Variants in POU2AF1 observed in about 807,000 individuals in gnomAD.
POU2AF1 encodes POU class 2 homeobox associating factor 1, also known as POU domain class 2-associating factor 1.
POU2AF1 carries 12 observed loss-of-function variants against 26.3 expected under a neutral mutation model. That is an observed-to-expected ratio of 0.46 (90% CI 0.29 to 0.74). The LOEUF is 0.74. Ranked by LOEUF, POU2AF1 falls within the 30% of genes least tolerant of loss-of-function variation. The pLI is 0.09. For synonymous variants in POU2AF1, 175 were observed against 148.0 expected, an observed-to-expected ratio of 1.18 and a Z score of -1.32; for missense variants, 297 against 334.5, an observed-to-expected ratio of 0.89 and a Z score of 0.87.
At chr11:111,360,006 C>T (rs776603867) in intron 1 of POU2AF1, 2 of 519,048 alleles carry the variant, frequency 3.9e-6, no homozygotes, top group Admixed American at 3.9e-5. Flanking sequence ...ACAGTGTCCA[C>T]CTGCTGCTGA....
At chr11:111,377,798 C>T (rs1168241365) in intron 1 of POU2AF1, 3 of 184,552 alleles carry the variant, frequency 1.6e-5, no homozygotes, top group African/African-American at 4.7e-5. Flanking sequence ...ACAGCACTCA[C>T]AACAGGGTCA....
chr11:111,368,576 C>A (rs1015198682), intron 1 of POU2AF1, among the ~76,000 whole-genome samples: 2 of 152,230 alleles, frequency 1.3e-5, no homozygotes, highest in African/African-American at 4.8e-5. Context: ...TAGAGCTACC[C>A]TTGATGAAGT....
At chr11:111,356,475 C>T (rs559017826) in intron 4 of POU2AF1, among the ~76,000 whole-genome samples, 1 of 152,312 alleles carries the variant, frequency 6.6e-6, no homozygotes, top group Admixed American at 6.5e-5. Context: ...AAAGCAAGCA[C>T]CACCATCGAA....
rs766491793 is a variant in POU2AF1, at chr11:111,357,777, G to T, written c.190+18C>A. On this transcript the variant is annotated intron_variant, in intron 3 of 4. Coordinates refer to ENST00000393067, the MANE Select transcript of POU2AF1 (RefSeq NM_006235.3). ...GATGAGAGGCCTGGGGGCCACCAGG[G>T]CTACGGGGCACTCTTACCCACTGTG... 2.5e-6 allele frequency: 4 copies of T among 1,612,856 alleles called. No homozygotes were observed. In the East Asian group the frequency reaches 6.7e-5, roughly 27 times the overall value.
At chr11:111,369,830 T>C (rs2135132387) in intron 1 of POU2AF1, among the ~76,000 whole-genome samples, 1 of 152,234 alleles carries the variant, frequency 6.6e-6, no homozygotes, top group Non-Finnish European at 1.5e-5. Flanking sequence ...CCTTATTAGA[T>C]CAAGGCTTGA....
intron 4 of POU2AF1, among the ~76,000 whole-genome samples, chr11:111,355,199 T>C (rs1204382012): frequency 6.6e-6 from 1 of 152,186 alleles, no homozygotes; most frequent in Non-Finnish European, 1.5e-5. Context: ...TGGCCTTCCT[T>C]CCTGCTGCTG....
rs924125574 is a variant in POU2AF1, at chr11:111,377,169, C to T, written c.16+1993G>A. Among the ~76,000 whole-genome samples the T allele has an allele frequency of 3.3e-5, 5 of 150,110 alleles. No individual in the cohort carries two copies. In the East Asian group the frequency reaches 5.9e-4, roughly 18 times the overall value. Reference sequence around the variant, plus strand: ...GGTGGATCACTTGAGTCCAGGAGTTCGAGACCAGGCTGAACAACATAGTAA... The same window carrying T: ...GGTGGATCACTTGAGTCCAGGAGTTTGAGACCAGGCTGAACAACATAGTAA... On this transcript the variant is annotated intron_variant, in intron 1 of 4. Coordinates refer to ENST00000393067, the MANE Select transcript of POU2AF1 (RefSeq NM_006235.3).
At chr11:111,364,959 G>C (rs1020093351) in intron 1 of POU2AF1, among the ~76,000 whole-genome samples, 4 of 152,256 alleles carry the variant, frequency 2.6e-5, no homozygotes, top group African/African-American at 9.6e-5. Context: ...TGGATATCCA[G>C]TTGTTTGTTC....
In POU2AF1 at chr11:111,353,024, A is replaced by AGGAG. The variant is rs1860764694; in HGVS notation, c.*1236_*1237insCTCC. On this transcript the variant is annotated 3_prime_UTR_variant, in exon 5 of 5. Transcript: ENST00000393067. ...AAGGAAGGAAGGAAGGAAGGAAGGAAGGAAGGAAGGAAGGAAGGAAGGAAG... is the reference window on the plus strand; with the variant it reads ...AAGGAAGGAAGGAAGGAAGGAAGGAAGGAGGGAAGGAAGGAAGGAAGGAAGGAAG... 1.1e-5 allele frequency: 2 copies of AGGAG among 178,476 alleles called. No individual in the cohort carries two copies. The highest frequency in any genetic ancestry group is 2.2e-5 in the Non-Finnish European group (2 of 89,198). 11.1% of individuals were successfully genotyped at this position (178,476 alleles called of 1,614,324 possible).
intron 1 of POU2AF1, among the ~76,000 whole-genome samples, chr11:111,377,496 C>T (rs549605515): frequency 6.6e-6 from 1 of 152,232 alleles, no homozygotes; most frequent in African/African-American, 2.4e-5. Flanking sequence ...TGCAGGGAAG[C>T]AACTCATATC....
intron 1 of POU2AF1, among the ~76,000 whole-genome samples, chr11:111,364,595 G>T (rs45486198): frequency 0.19 from 28,847 of 152,160 alleles, 3,079 homozygotes; most frequent in Non-Finnish European, 0.23. Flanking sequence ...AGCCTCCAAG[G>T]CACCCTTGAG....
At chr11:111,375,390 C>CTTTTTTTTTTTTTTTTT (rs869115956) in intron 1 of POU2AF1, among the ~76,000 whole-genome samples, 2 of 79,488 alleles carry the variant, frequency 2.5e-5, no homozygotes, top group Non-Finnish European at 4.3e-5. Flanking sequence ...TACTGAGTAT[C>CTTTTTTTTTTTTTTTTT]TTTTTTTTTT....
At chr11:111,376,819 C>T (rs889173073) in intron 1 of POU2AF1, among the ~76,000 whole-genome samples, 5 of 152,168 alleles carry the variant, frequency 3.3e-5, no homozygotes, top group East Asian at 3.9e-4. Context: ...TTTTCCCACA[C>T]GGTTTAGTCA....
Position 111,357,816 on chromosome 11 carries a change from G to A in POU2AF1, c.169C>T (p.Leu57=), listed in dbSNP as rs771439173. ...TTACCCACTGTGGTGTAGGTCGCCA[G>A]GGGCTGATGGGGCAGCACCACCTAG... is the stretch of plus-strand genomic sequence containing the variant. ...PTAVVLPHQP[L]ATYTTVGPSC... Residue 57 remains leucine, a synonymous_variant, in exon 3 of 5, where the codon CTG becomes TTG. Coordinates refer to ENST00000393067, the MANE Select transcript of POU2AF1 (RefSeq NM_006235.3). 11 of 1,611,906 alleles carry A rather than the reference G, an allele frequency of 6.8e-6. No homozygotes were observed. The highest frequency in any genetic ancestry group is 3.3e-4 in the Middle Eastern group (2 of 6,074).
At chr11:111,360,731 G>A (rs1367598270) in intron 1 of POU2AF1, among the ~76,000 whole-genome samples, 2 of 152,072 alleles carry the variant, frequency 1.3e-5, no homozygotes, top group Non-Finnish European at 2.9e-5. Flanking sequence ...GGATCACAAG[G>A]TCAGGAGATT....
At chr11:111,369,968 A>C (rs1235492965) in intron 1 of POU2AF1, among the ~76,000 whole-genome samples, 3 of 152,214 alleles carry the variant, frequency 2.0e-5, no homozygotes, top group Non-Finnish European at 4.4e-5. Flanking sequence ...TCAAGACTAA[A>C]GAGCTTTATT....
chr11:111,376,720 C>A (rs1258639336), intron 1 of POU2AF1, among the ~76,000 whole-genome samples: 1 of 152,112 alleles, frequency 6.6e-6, no homozygotes, highest in Non-Finnish European at 1.5e-5. Context: ...AAGAAAGTGC[C>A]CTTTCAGCAC....
At chr11:111,367,848 G>A (rs1344157157) in intron 1 of POU2AF1, among the ~76,000 whole-genome samples, 1 of 152,126 alleles carries the variant, frequency 6.6e-6, no homozygotes, top group Non-Finnish European at 1.5e-5. Flanking sequence ...TTTTATTTTT[G>A]GTATTTTTCG....
chr11:111,372,029 T>TAC (rs374971894), intron 1 of POU2AF1, among the ~76,000 whole-genome samples: 26,206 of 120,736 alleles, frequency 0.22, 2,524 homozygotes, highest in East Asian at 0.38. Flanking sequence ...CACACACAAA[T>TAC]ACACACACAC....
Sources: allele counts gnomAD v4.1 joint callset (sites outside exome capture counted in the v4.1 genomes callset), GRCh38; gene constraint gnomAD v4.1.1; transcripts MANE v1.5; gene names NCBI Gene and HGNC (gene_info 2026-07-23, HGNC 2026-07-21).